The following PID1 variants were observed in gnomAD, a reference collection of about 807,000 sequenced individuals.
PID1 encodes PTB-containing, cubilin and LRP1-interacting protein.
Under a neutral mutation model 19.1 loss-of-function variants are expected in PID1, and 10 were observed. That is an observed-to-expected ratio of 0.52 (90% CI 0.32 to 0.89). The LOEUF is 0.89. Among genes scored for constraint, PID1 ranks in the 40% least tolerant of loss-of-function variants. The pLI is 0.03. For synonymous variants in PID1, 130 were observed against 116.0 expected (o/e 1.12, Z -0.78); for missense variants, 248 against 285.3 (o/e 0.87, Z 0.94).
intron 2 of PID1, among the ~76,000 whole-genome samples, chr2:229,119,834 C>A (rs1243767996): frequency 1.3e-5 from 2 of 152,130 alleles, no homozygotes; most frequent in Admixed American, 1.3e-4. Flanking sequence ...TCAGGCCTCA[C>A]GTAATCTGTT....
At chr2:229,241,732 C>T (rs1310920944) in intron 1 of PID1, among the ~76,000 whole-genome samples, 2 of 152,132 alleles carry the variant, frequency 1.3e-5, no homozygotes, top group African/African-American at 4.8e-5. Flanking sequence ...AAATAAGAAG[C>T]AAAGCACCTA....
rs1476078685 is a variant in PID1 at position 229,185,459 on chromosome 2, C to T, written c.31-29495G>A. Among the ~76,000 whole-genome samples the T allele has an allele frequency of 2.6e-5, 4 of 152,054 alleles. No homozygotes were observed. The South Asian group carries it at 6.2e-4, about 24-fold the overall frequency. On this transcript the variant is annotated intron_variant, in intron 1 of 2. Coordinates refer to ENST00000392055, the MANE Select transcript of PID1 (RefSeq NM_001100818.2). ...TTTTCATGCTGCTGATAAAGACATACCCAAGACTGGACAATCTACAGAAAA... is the reference window on the plus strand; with the variant it reads ...TTTTCATGCTGCTGATAAAGACATATCCAAGACTGGACAATCTACAGAAAA...
chr2:229,148,304 G>A (rs7561470), intron 2 of PID1, among the ~76,000 whole-genome samples: 21,908 of 152,082 alleles, frequency 0.14, 1,957 homozygotes, highest in East Asian at 0.29. Context: ...ATATCCTTCC[G>A]CGCTAGGTAC....
At chr2:229,256,027 C>A (rs956712081) in intron 1 of PID1, among the ~76,000 whole-genome samples, 1 of 152,150 alleles carries the variant, frequency 6.6e-6, no homozygotes, top group African/African-American at 2.4e-5. Flanking sequence ...GTCAGAAGAC[C>A]AAGGACCTGG....
chr2:229,251,397 T>C (rs1226896685), intron 1 of PID1, among the ~76,000 whole-genome samples: 1 of 152,138 alleles, frequency 6.6e-6, no homozygotes, highest in African/African-American at 2.4e-5. Flanking sequence ...TAATCAATAC[T>C]AAAAGCACTG....
At position 229,206,529 on chromosome 2, in the gene PID1, T is replaced by C. The variant is rs1181783660; in HGVS notation, c.31-50565A>G. Among the ~76,000 whole-genome samples the C allele has an allele frequency of 2.0e-5, 3 of 152,186 alleles. No individual in the cohort carries two copies. The East Asian group carries it at 5.8e-4, about 29-fold the overall frequency. On this transcript the variant is annotated intron_variant, in intron 1 of 2. Coordinates refer to ENST00000392055, the MANE Select transcript of PID1 (RefSeq NM_001100818.2). The stretch of plus-strand genomic sequence containing the variant: ...GAAACCTCTTCATGATCAAAACACA[T>C]TGGATAAGCACCCATACATAAGAAG...
Position 229,189,219 on chromosome 2 carries a change from C to T in PID1, c.31-33255G>A, listed in dbSNP as rs567780912. 2.5e-4 allele frequency among the ~76,000 whole-genome samples: 38 copies of T among 152,266 alleles called. No individual in the cohort carries two copies. In the South Asian group the frequency reaches 7.1e-3, roughly 28 times the overall value. ...GAAATCCACTGAATCCTCTGCTCAC[C>T]AAGCATGCACACATGGAGCTGCACC... On this transcript the variant is annotated intron_variant, in intron 1 of 2. Coordinates refer to ENST00000392055, the MANE Select transcript of PID1 (RefSeq NM_001100818.2).
chr2:229,219,526 G>A (rs1463948335), intron 1 of PID1, among the ~76,000 whole-genome samples: 2 of 152,176 alleles, frequency 1.3e-5, no homozygotes, highest in East Asian at 1.9e-4. Context: ...AGTTCAAGAT[G>A]AGATTTGGGT....
intron 1 of PID1, among the ~76,000 whole-genome samples, chr2:229,246,293 A>G (rs911271546): frequency 2.0e-5 from 3 of 152,210 alleles, no homozygotes; most frequent in Admixed American, 6.5e-5. Context: ...ATGAAATAAC[A>G]TAACTATGAA....
chr2:229,038,883 C>A (rs542522091), intron 2 of PID1, among the ~76,000 whole-genome samples: 1 of 152,268 alleles, frequency 6.6e-6, no homozygotes, highest in East Asian at 1.9e-4. Flanking sequence ...CAAATCCTTA[C>A]CTGTGGAATT....
chr2:229,100,727 C>T (rs1389522998), intron 2 of PID1, among the ~76,000 whole-genome samples: 1 of 152,154 alleles, frequency 6.6e-6, no homozygotes, highest in African/African-American at 2.4e-5. Flanking sequence ...CAGATAAAAT[C>T]CATCCCAGGC....
chr2:229,059,071 C>T (rs76385914), intron 2 of PID1, among the ~76,000 whole-genome samples: 7,449 of 152,048 alleles, frequency 0.049, 449 homozygotes, highest in Admixed American at 0.18. Flanking sequence ...AAATGAAAAA[C>T]CCAAGCTAAC....
At chr2:229,103,713 A>G (rs1425443886) in intron 2 of PID1, among the ~76,000 whole-genome samples, 1 of 150,948 alleles carries the variant, frequency 6.6e-6, no homozygotes, top group African/African-American at 2.4e-5. Context: ...AATAGCTGGG[A>G]TTACAGGTGC....
intron 2 of PID1, among the ~76,000 whole-genome samples, chr2:229,073,172 C>A (rs1694492107): frequency 6.6e-6 from 1 of 152,170 alleles, no homozygotes; most frequent in Admixed American, 6.5e-5. Context: ...ACTACCGGCG[C>A]CCGCCACCAC....
chr2:229,116,698 C>A (rs372794733), intron 2 of PID1, among the ~76,000 whole-genome samples: 2 of 152,140 alleles, frequency 1.3e-5, no homozygotes, highest in African/African-American at 4.8e-5. Context: ...GCCTCCCCAA[C>A]CATGCAGAAC....
chr2:229,132,415 C>A (rs544843916), intron 2 of PID1, among the ~76,000 whole-genome samples: 1 of 152,192 alleles, frequency 6.6e-6, no homozygotes, highest in African/African-American at 2.4e-5. Context: ...CATGAGAGAT[C>A]CAGCTTTCGG....
At chr2:229,121,669 C>G (rs1329279034) in intron 2 of PID1, among the ~76,000 whole-genome samples, 1 of 152,122 alleles carries the variant, frequency 6.6e-6, no homozygotes, top group Non-Finnish European at 1.5e-5. Flanking sequence ...GTCGGGCTCT[C>G]CTCTCAAATT....
In PID1 at chr2:229,101,633, CAAGAAATGGAAGTGCAGA is replaced by C. The variant is rs546938278; in HGVS notation, c.177+54167_177+54184del. On this transcript the variant is annotated intron_variant, in intron 2 of 2. Transcript: ENST00000392055. ...CTATTATCACACCCATTTTACAAGG[CAAGAAATGGAAGTGCAGA>C]GAAGCTAAAGAGTTTGCCCAAGGTC... Among the ~76,000 whole-genome samples, 65 of 152,306 alleles carry C rather than the reference CAAGAAATGGAAGTGCAGA, an allele frequency of 4.3e-4. No individual in the cohort carries two copies. The South Asian group carries it at 0.013, about 30-fold the overall frequency.
intron 2 of PID1, among the ~76,000 whole-genome samples, chr2:229,114,826 T>C (rs1300593691): frequency 6.6e-6 from 1 of 152,252 alleles, no homozygotes; most frequent in African/African-American, 2.4e-5. Flanking sequence ...CTGTGTCTTA[T>C]GAAGCTCTAG....
Sources: allele counts gnomAD v4.1 joint callset (sites outside exome capture counted in the v4.1 genomes callset), GRCh38; gene constraint gnomAD v4.1.1; transcripts MANE v1.5; gene names NCBI Gene and HGNC (gene_info 2026-07-23, HGNC 2026-07-21).